GPHN: variants seen among roughly 807,000 people sequenced by gnomAD.
The protein encoded by GPHN is gephyrin.
In GPHN, 17 loss-of-function variants were observed where a neutral mutation model predicts 95.5. The ratio of observed to expected loss-of-function variants is 0.18; its 90% CI spans 0.12 to 0.27. The LOEUF is 0.27. Among genes scored for constraint, GPHN ranks in the 10% least tolerant of loss-of-function variants. The probability of loss-of-function intolerance (pLI) is 1.00; values close to 1 mark genes in which losing one functional copy is unlikely to be tolerated. For missense variants in GPHN, 660 were observed against 978.1 expected (o/e 0.67, Z 4.34); for synonymous variants, 320 against 322.5 (o/e 0.99, Z 0.08).
At chr14:67,227,162 C>A in the GPHN span, among the ~76,000 whole-genome samples, 1 of 152,158 alleles carries the variant, frequency 6.6e-6, no homozygotes, top group Non-Finnish European at 1.5e-5. Flanking sequence ...TTGCTCCCAG[C>A]TGGGCGTGGT....
At chr14:66,601,906 AAG>A (rs2062264019) in intron 1 of GPHN, among the ~76,000 whole-genome samples, 1 of 151,992 alleles carries the variant, frequency 6.6e-6, no homozygotes, top group Non-Finnish European at 1.5e-5. Flanking sequence ...CCAAAAAATT[AAG>A]AGGGAATATT....
chr14:67,363,501 GT>G, the GPHN span, among the ~76,000 whole-genome samples: 7 of 152,086 alleles, frequency 4.6e-5, no homozygotes, highest in South Asian at 1.5e-3. Context: ...TTTATGAATA[GT>G]TTTGAGAGAA....
chr14:67,734,004 A>C, the GPHN span: 1 of 610,916 alleles, frequency 1.6e-6, no homozygotes. Flanking sequence ...ATGTTTGCAC[A>C]CCTGACACTC....
At chr14:67,457,616 CCAAA>C in the GPHN span, among the ~76,000 whole-genome samples, 45 of 152,238 alleles carry the variant, frequency 3.0e-4, no homozygotes, top group Non-Finnish European at 5.0e-4. Flanking sequence ...TAAAACCAAA[CCAAA>C]CAAACAAATG....
At chr14:67,557,299 T>C in the GPHN span, 1 of 1,613,766 alleles carries the variant, frequency 6.2e-7, no homozygotes, top group Non-Finnish European at 8.5e-7. Flanking sequence ...GGTAAAACTA[T>C]CCAATCTGAA....
the GPHN span, among the ~76,000 whole-genome samples, chr14:67,474,914 CT>C: frequency 0.12 from 14,931 of 124,634 alleles, 561 homozygotes; most frequent in Non-Finnish European, 0.14. Flanking sequence ...GAATTTCCTT[CT>C]TTTTTTTTTT....
At chr14:66,951,383 G>C (rs957733375) in intron 8 of GPHN, among the ~76,000 whole-genome samples, 11 of 151,878 alleles carry the variant, frequency 7.2e-5, no homozygotes, top group African/African-American at 2.4e-5. Flanking sequence ...GGGCATGGTG[G>C]TGCATGCCTG....
chr14:67,575,414 T>C, the GPHN span: 5 of 1,609,252 alleles, frequency 3.1e-6, no homozygotes, highest in Middle Eastern at 1.7e-4. Flanking sequence ...CACTCCAAGG[T>C]GGTCTGGTGC....
At chr14:66,732,774 C>G (rs1385302955) in intron 2 of GPHN, among the ~76,000 whole-genome samples, 1 of 152,206 alleles carries the variant, frequency 6.6e-6, no homozygotes, top group East Asian at 1.9e-4. Context: ...CTCGGCCTCC[C>G]AAATTGCTGG....
chr14:67,143,579 A>G (rs2080633716), intron 18 of GPHN, 130 bp downstream of exon 18: 1 of 742,294 alleles, frequency 1.3e-6, no homozygotes, highest in East Asian at 2.5e-5. Context: ...ATGGGGCTTC[A>G]GAAATTACTG....
At chr14:67,715,580 C>A in the GPHN span, among the ~76,000 whole-genome samples, 1 of 152,218 alleles carries the variant, frequency 6.6e-6, no homozygotes, top group Admixed American at 6.5e-5. Context: ...AATTTCCCAA[C>A]ATTTAATTGC....
the GPHN span, among the ~76,000 whole-genome samples, chr14:67,719,328 A>G: frequency 2.6e-5 from 4 of 152,334 alleles, no homozygotes; most frequent in South Asian, 6.2e-4. Context: ...TCGCAATAGA[A>G]TTTGAGTGCC....
At chr14:66,545,745 C>T (rs1393355690) in intron 1 of GPHN, among the ~76,000 whole-genome samples, 173 of 136,936 alleles carry the variant, frequency 1.3e-3, no homozygotes, top group African/African-American at 1.4e-3. Context: ...GCTGACCCCC[C>T]CACCTCCCTC....
At chr14:67,251,242 A>G in the GPHN span, among the ~76,000 whole-genome samples, 2 of 152,186 alleles carry the variant, frequency 1.3e-5, no homozygotes, top group South Asian at 4.1e-4. Context: ...AGTGTTTAAA[A>G]ATGTACGTGA....
intron 8 of GPHN, among the ~76,000 whole-genome samples, chr14:66,950,906 T>TTTTG (rs948587662): frequency 1.1e-4 from 16 of 151,920 alleles, no homozygotes; most frequent in Admixed American, 5.2e-4. Context: ...ATCCTAAGGT[T>TTTTG]TTTGTTTGTT....
At chr14:67,345,682 G>A in the GPHN span, 1 of 832,804 alleles carries the variant, frequency 1.2e-6, no homozygotes, top group Non-Finnish European at 2.0e-6. Flanking sequence ...ACAAAGCACA[G>A]TATATGCTGA....
At chr14:66,573,779 C>A (rs894051437) in intron 1 of GPHN, among the ~76,000 whole-genome samples, 3 of 151,654 alleles carry the variant, frequency 2.0e-5, no homozygotes, top group African/African-American at 4.8e-5. Flanking sequence ...TTTTTTTAAT[C>A]TCTTGTGACT....
At chr14:67,547,131 G>A in the GPHN span, among the ~76,000 whole-genome samples, 1 of 152,108 alleles carries the variant, frequency 6.6e-6, no homozygotes, top group African/African-American at 2.4e-5. Context: ...GAAATGTTAG[G>A]GGTGCATAGT....
At chr14:67,328,730 A>G in the GPHN span, among the ~76,000 whole-genome samples, 3 of 152,220 alleles carry the variant, frequency 2.0e-5, no homozygotes, top group Admixed American at 2.0e-4. Context: ...TTTATTAAAT[A>G]GGGCATCCTT....
Sources: allele counts gnomAD v4.1 joint callset (sites outside exome capture counted in the v4.1 genomes callset), GRCh38; gene constraint gnomAD v4.1.1; transcripts MANE v1.5; gene names NCBI Gene and HGNC (gene_info 2026-07-23, HGNC 2026-07-21).